TAF3: variants seen among roughly 807,000 people sequenced by gnomAD.
TAF3 encodes the protein transcription initiation factor TFIID subunit 3.
In TAF3, 7 loss-of-function variants were observed where a neutral mutation model predicts 80.6. That is an observed-to-expected ratio of 0.09 (90% CI 0.05 to 0.16). The LOEUF (loss-of-function observed/expected upper bound fraction) is 0.16. Ranked by LOEUF, TAF3 falls within the 10% of genes least tolerant of loss-of-function variation. The pLI, the probability that TAF3 is intolerant of heterozygous loss-of-function variation, is 1.00. For missense variants in TAF3, 921 were observed against 1,140.2 expected, an observed-to-expected ratio of 0.81 and a Z score of 2.77; for synonymous variants, 444 against 446.1, an observed-to-expected ratio of 1.00 and a Z score of 0.06.
intron 2 of TAF3, among the ~76,000 whole-genome samples, chr10:7,839,061 C>G (rs1836883795): frequency 6.6e-6 from 1 of 152,004 alleles, no homozygotes; most frequent in African/African-American, 2.4e-5. Context: ...CTACAGGGCC[C>G]TGTGTGATCG....
At chr10:7,861,586 A>AT (rs747009785) in intron 2 of TAF3, among the ~76,000 whole-genome samples, 467 of 150,260 alleles carry the variant, frequency 3.1e-3, no homozygotes, top group Admixed American at 5.1e-3. Flanking sequence ...TTCTGTACTG[A>AT]TTTTTTTTTT....
intron 4 of TAF3, among the ~76,000 whole-genome samples, chr10:7,983,181 C>T (rs377117838): frequency 6.6e-6 from 1 of 152,180 alleles, no homozygotes; most frequent in East Asian, 1.9e-4. Context: ...CTCACAGTCC[C>T]TGGCGAAGCC....
At chr10:7,949,807 G>A (rs1232218636) in intron 2 of TAF3, among the ~76,000 whole-genome samples, 8 of 152,116 alleles carry the variant, frequency 5.3e-5, no homozygotes, top group Admixed American at 5.2e-4. Context: ...TAAATGGTTT[G>A]TTGACTGAAA....
At chr10:7,858,616 T>C (rs1436410377) in intron 2 of TAF3, among the ~76,000 whole-genome samples, 1 of 152,240 alleles carries the variant, frequency 6.6e-6, no homozygotes. Flanking sequence ...TTCAGTCTTT[T>C]TGTGTGTTCT....
At chr10:7,982,316 A>G (rs984952606) in intron 4 of TAF3, among the ~76,000 whole-genome samples, 11 of 152,224 alleles carry the variant, frequency 7.2e-5, no homozygotes, top group African/African-American at 2.2e-4. Flanking sequence ...AAAGAAGCAA[A>G]TGATTGTAGG....
intron 4 of TAF3, among the ~76,000 whole-genome samples, chr10:7,983,233 C>T (rs1419919399): frequency 2.6e-5 from 4 of 152,214 alleles, no homozygotes; most frequent in Non-Finnish European, 5.9e-5. Flanking sequence ...TGAAGGACTT[C>T]GCTTCAGCAG....
chr10:7,912,852 C>G (rs1460741150), intron 2 of TAF3, among the ~76,000 whole-genome samples: 1 of 152,016 alleles, frequency 6.6e-6, no homozygotes, highest in East Asian at 1.9e-4. Context: ...TGAATCGGAC[C>G]CCGGAATCCC....
At chr10:7,986,296 T>C (rs1481311043) in intron 4 of TAF3, among the ~76,000 whole-genome samples, 1 of 152,220 alleles carries the variant, frequency 6.6e-6, no homozygotes. Context: ...TCTGCCAAGT[T>C]ACTGGAAAGT....
Position 7,964,187 on chromosome 10 carries a change from C to T in TAF3, c.677C>T (p.Pro226Leu). Reference sequence around the variant, plus strand: ...TCAATAAATACTCAAAAGATCCCACCAATGCTTTCTCCAGTCCATGTACAG... The same window carrying T: ...TCAATAAATACTCAAAAGATCCCACTAATGCTTTCTCCAGTCCATGTACAG... Reference protein sequence around the residue: ...LSSINTQKIPPMLSPVHVQDS... With the variant: ...LSSINTQKIPLMLSPVHVQDS... The change falls in exon 3 of 7, where the codon CCA becomes CTA. Residue 226 changes from proline to leucine, a missense_variant. Transcript: ENST00000344293. The surrounding 1 kb of genome is among the most constrained non-coding windows in gnomAD (Gnocchi z 4.1). 6.2e-7 allele frequency: 1 copy of T among 1,614,156 alleles called. No homozygotes were observed. Among genetic ancestry groups the T allele is most frequent in the Non-Finnish European group, 8.5e-7 (1 of 1,180,030 alleles).
intron 2 of TAF3, among the ~76,000 whole-genome samples, chr10:7,842,151 G>GTTTTTTTTTTTTTT (rs71505465): frequency 7.1e-5 from 7 of 98,746 alleles, no homozygotes; most frequent in Admixed American, 1.1e-4. Context: ...AATTAATATT[G>GTTTTTTTTTTTTTT]TTTTTTTTTT....
chr10:8,007,194 C>CAATATAGTAATTAGAATAAAT (rs1564382406), intron 4 of TAF3, among the ~76,000 whole-genome samples: 1 of 151,998 alleles, frequency 6.6e-6, no homozygotes, highest in Non-Finnish European at 1.5e-5. Flanking sequence ...CCATGGAATA[C>CAATATAGTAATTAGAATAAAT]AATATAGTAA....
At chr10:7,956,379 C>T (rs1443416742) in intron 2 of TAF3, among the ~76,000 whole-genome samples, 1 of 151,956 alleles carries the variant, frequency 6.6e-6, no homozygotes, top group African/African-American at 2.4e-5. Context: ...CCCAGCTACT[C>T]GGGAGGCTGA....
At chr10:7,850,199 C>A (rs1278056675) in intron 2 of TAF3, among the ~76,000 whole-genome samples, 2 of 152,102 alleles carry the variant, frequency 1.3e-5, no homozygotes, top group African/African-American at 4.8e-5. Context: ...TAAATCTTTA[C>A]TATGTTTTAA....
At chr10:7,918,036 G>A (rs1454093393) in intron 2 of TAF3, among the ~76,000 whole-genome samples, 1 of 152,190 alleles carries the variant, frequency 6.6e-6, no homozygotes, top group Non-Finnish European at 1.5e-5. Flanking sequence ...GTTCTGTTTT[G>A]TTTTTAGGAT....
chr10:7,828,900 G>GTGC (rs1554775343), intron 2 of TAF3, among the ~76,000 whole-genome samples: 1 of 150,674 alleles, frequency 6.6e-6, no homozygotes, highest in Non-Finnish European at 1.5e-5. Context: ...TGGGTGTGGT[G>GTGC]GTGCCTGTAG....
At chr10:7,954,632 C>CAT in intron 2 of TAF3, among the ~76,000 whole-genome samples, 1 of 137,804 alleles carries the variant, frequency 7.3e-6, no homozygotes, top group Non-Finnish European at 1.6e-5. Flanking sequence ...CAGAGCTCTC[C>CAT]ATAGTGAGAT....
intron 2 of TAF3, among the ~76,000 whole-genome samples, chr10:7,935,568 A>G (rs1315787486): frequency 6.6e-6 from 1 of 152,226 alleles, no homozygotes; most frequent in East Asian, 1.9e-4. Flanking sequence ...TGAGTGACAG[A>G]GAGAGACAAC....
At chr10:7,825,703 T>C (rs1188811919) in intron 2 of TAF3, among the ~76,000 whole-genome samples, 1 of 152,242 alleles carries the variant, frequency 6.6e-6, no homozygotes, top group Non-Finnish European at 1.5e-5. Flanking sequence ...TAAGGCAGAA[T>C]AATATATGTA....
intron 2 of TAF3, among the ~76,000 whole-genome samples, chr10:7,863,694 T>TATATATATACACATATATATACAC (rs1837176835): frequency 4.0e-4 from 14 of 34,610 alleles, no homozygotes; most frequent in African/African-American, 1.4e-3. Context: ...TACACACACA[T>TATATATATACACATATATATACAC]ATATATATAT....
Sources: allele counts gnomAD v4.1 joint callset (sites outside exome capture counted in the v4.1 genomes callset), GRCh38; gene constraint gnomAD v4.1.1; non-coding constraint Gnocchi (gnomAD v3.1); transcripts MANE v1.5; gene names NCBI Gene and HGNC (gene_info 2026-07-23, HGNC 2026-07-21).